Variants in ANGPT4 observed in about 807,000 individuals in gnomAD.
ANGPT4 encodes the protein angiopoietin 4.
Under a neutral mutation model 53.0 loss-of-function variants are expected in ANGPT4, and 50 were observed. That is an observed-to-expected ratio of 0.94 (90% confidence interval 0.75 to 1.20). The LOEUF (loss-of-function observed/expected upper bound fraction) is 1.20. Among genes scored for constraint, ANGPT4 ranks in the 50% most tolerant of loss-of-function variants. ANGPT4 has a pLI of 0.00. For synonymous variants in ANGPT4, 251 were observed against 259.7 expected, an observed-to-expected ratio of 0.97 and a Z score of 0.32; for missense variants, 648 against 637.1, an observed-to-expected ratio of 1.02 and a Z score of -0.18.
chr20:880,699 C>A (rs192686082), intron 5 of ANGPT4, among the ~76,000 whole-genome samples: 1 of 152,196 alleles, frequency 6.6e-6, no homozygotes, highest in African/African-American at 2.4e-5. Flanking sequence ...CCCTTCTTAT[C>A]GGATGACTTG....
In ANGPT4 at chr20:913,613, T is replaced by A. The variant is rs552353493; in HGVS notation, c.309+2293A>T. Reference sequence around the variant, plus strand: ...TCCTGCAAGCCATCAGTTCAAGCCATCAGCTCTCAGCCAATGTTTCCCAAG... The same window carrying A: ...TCCTGCAAGCCATCAGTTCAAGCCAACAGCTCTCAGCCAATGTTTCCCAAG... On this transcript the variant is annotated intron_variant, in intron 1 of 8. Transcript: ENST00000381922. Among the ~76,000 whole-genome samples, 9 of 152,326 alleles carry A rather than the reference T, an allele frequency of 5.9e-5. No individual in the cohort carries two copies. In the South Asian group the frequency reaches 1.9e-3, roughly 32 times the overall value.
At chr20:902,548 A>C (rs73892527) in intron 1 of ANGPT4, among the ~76,000 whole-genome samples, 7,071 of 152,224 alleles carry the variant, frequency 0.046, 518 homozygotes, top group African/African-American at 0.16. Context: ...CCTCAAAATT[A>C]TGGAAGGTAC....
At chr20:893,091 G>A (rs898789764) in intron 1 of ANGPT4, among the ~76,000 whole-genome samples, 3 of 152,142 alleles carry the variant, frequency 2.0e-5, no homozygotes, top group African/African-American at 7.2e-5. Context: ...CACTCTCTAG[G>A]TCAGGGGTCC....
chr20:890,722 C>A (rs748569193), intron 1 of ANGPT4, among the ~76,000 whole-genome samples: 17 of 152,212 alleles, frequency 1.1e-4, no homozygotes, highest in Non-Finnish European at 2.2e-4. Context: ...AAAGCCATGA[C>A]TGCAGGTTCC....
rs557443286 is a variant in ANGPT4 at position 914,361 on chromosome 20, G to T, written c.309+1545C>A. 7.2e-5 allele frequency among the ~76,000 whole-genome samples: 11 copies of T among 152,296 alleles called. No homozygotes were observed. The East Asian group carries it at 2.1e-3, about 29-fold the overall frequency. On this transcript the variant is annotated intron_variant, in intron 1 of 8. Coordinates refer to ENST00000381922, the MANE Select transcript of ANGPT4 (RefSeq NM_015985.4). This position sits in a 1 kb window ranked among gnomAD's most constrained non-coding sequence, Gnocchi z 5.0. Reference sequence around the variant, plus strand: ...CAAGGAGGGCCTCTGGGGAGATGGCGCTGGAGAGGATAGGAGGCTGGGGTA... The same window carrying T: ...CAAGGAGGGCCTCTGGGGAGATGGCTCTGGAGAGGATAGGAGGCTGGGGTA...
At chr20:890,583 T>C (rs1355978478) in intron 1 of ANGPT4, among the ~76,000 whole-genome samples, 2 of 152,182 alleles carry the variant, frequency 1.3e-5, no homozygotes, top group Non-Finnish European at 2.9e-5. Flanking sequence ...TCTGCCTCTC[T>C]GCTTCCATCT....
intron 1 of ANGPT4, among the ~76,000 whole-genome samples, chr20:901,042 C>T (rs781057270): frequency 1.3e-5 from 2 of 152,238 alleles, no homozygotes; most frequent in African/African-American, 4.8e-5. Context: ...TTACTCTCTC[C>T]CACTCTAGGT....
At position 871,718 on chromosome 20, in the gene ANGPT4, T is replaced by C. The variant is rs904402248; in HGVS notation, c.*1242A>G. 6.6e-6 allele frequency: 1 copy of C among 152,090 alleles called. No individual in the cohort carries two copies. The highest frequency in any genetic ancestry group is 1.5e-5 in the Non-Finnish European group (1 of 68,034). 9.4% of individuals were successfully genotyped at this position (152,090 alleles called of 1,614,324 possible). On this transcript the variant is annotated 3_prime_UTR_variant, in exon 9 of 9. Transcript: ENST00000381922. ...GCCTAACAGTCCCTGTAATTGAGCC[T>C]GGGGGAGTTGAGGTTACAGGGAGTC... is the stretch of plus-strand genomic sequence containing the variant.
intron 1 of ANGPT4, among the ~76,000 whole-genome samples, chr20:892,966 C>T (rs1262201453): frequency 6.6e-6 from 1 of 152,186 alleles, no homozygotes; most frequent in East Asian, 1.9e-4. Flanking sequence ...CGACTTCCCC[C>T]CAATCCTGGT....
chr20:874,911 G>T (rs1022399732), intron 7 of ANGPT4, among the ~76,000 whole-genome samples: 1 of 151,940 alleles, frequency 6.6e-6, no homozygotes, highest in East Asian at 1.9e-4. Context: ...ACAAACATAG[G>T]GTCTCACTAT....
intron 3 of ANGPT4, among the ~76,000 whole-genome samples, chr20:887,810 G>A (rs989092331): frequency 6.6e-6 from 1 of 151,884 alleles, no homozygotes; most frequent in South Asian, 2.1e-4. Context: ...AGCCAATAAA[G>A]TTTACCGGAT....
chr20:905,370 G>A (rs569178230), intron 1 of ANGPT4, among the ~76,000 whole-genome samples: 1 of 152,158 alleles, frequency 6.6e-6, no homozygotes, highest in Non-Finnish European at 1.5e-5. Context: ...AAATATTTGT[G>A]GAAAGAGCAG....
In ANGPT4 at chr20:878,234, G is replaced by T; in HGVS notation, c.1147C>A (p.Gln383Lys). 1 of 1,613,136 alleles carries T rather than the reference G, an allele frequency of 6.2e-7. No homozygotes were observed. Among genetic ancestry groups the T allele is most frequent in the Non-Finnish European group, 8.5e-7 (1 of 1,179,174 alleles). Residue 383 changes from glutamine to lysine, a missense_variant, in exon 7 of 9, where the codon CAA (glutamine) becomes AAA (lysine). By Grantham distance (53) the Gln-to-Lys change is moderately conservative. Transcript: ENST00000381922. ...TAGGCCTCGTGGCCTTCCCAGTCTT[G>T]CAGCTCCACACGCAGAGAGTAGGCT... is the stretch of plus-strand genomic sequence containing the variant. ...RAAYSLRVEL[Q>K]DWEGHEAYAQ...
intron 1 of ANGPT4, among the ~76,000 whole-genome samples, chr20:898,465 C>A (rs898592649): frequency 6.6e-6 from 1 of 152,234 alleles, no homozygotes; most frequent in South Asian, 2.1e-4. Context: ...CAGCCCCGTT[C>A]ATGGCCCACT....
intron 1 of ANGPT4, among the ~76,000 whole-genome samples, chr20:902,054 G>T (rs1982306451): frequency 6.6e-6 from 1 of 152,182 alleles, no homozygotes; most frequent in South Asian, 2.1e-4. Flanking sequence ...TTGTGTGTAA[G>T]AATGATCCAA....
intron 4 of ANGPT4, among the ~76,000 whole-genome samples, chr20:884,617 T>G (rs1365844392): frequency 1.3e-5 from 2 of 152,176 alleles, no homozygotes; most frequent in African/African-American, 4.8e-5. Context: ...TTGGCCCTCT[T>G]GGGCTTAGGG....
rs1980955428 is a variant in ANGPT4 at position 871,889 on chromosome 20, G to C, written c.*1071C>G. ...TTTAACTGAAAGGTTATTTCCAGTT[G>C]TTTTTAGAGGTTGTTTGAGGCTGTC... On this transcript the variant is annotated 3_prime_UTR_variant, in exon 9 of 9. Transcript: ENST00000381922. 1 of 152,192 alleles carries C rather than the reference G, an allele frequency of 6.6e-6. No homozygotes were observed. The highest frequency in any genetic ancestry group is 1.5e-5 in the Non-Finnish European group (1 of 68,068). The allele number at this position is 152,192 out of a possible 1,614,324, so 9.4% of individuals were successfully genotyped here.
At position 872,144 on chromosome 20, in the gene ANGPT4, A is replaced by G. The variant is rs574901763; in HGVS notation, c.*816T>C. The G allele has an allele frequency of 6.6e-6, 1 of 152,334 alleles. No individual in the cohort carries two copies. The highest frequency in any genetic ancestry group is 2.1e-4 in the South Asian group (1 of 4,816). The allele number at this position is 152,334 out of a possible 1,614,324, so 9.4% of individuals were successfully genotyped here. A position where few individuals can be genotyped will look rare whatever the true frequency, so the allele number is the denominator to read the frequency against. ...GCACTTGGCCATATTAAAGGCTCTGATCAGTCCTGCAGTGAAGAGTGCCTG... is the reference window on the plus strand; with the variant it reads ...GCACTTGGCCATATTAAAGGCTCTGGTCAGTCCTGCAGTGAAGAGTGCCTG... On this transcript the variant is annotated 3_prime_UTR_variant, in exon 9 of 9. Coordinates refer to ENST00000381922, the MANE Select transcript of ANGPT4 (RefSeq NM_015985.4).
chr20:916,292 A>G lies in ANGPT4; in HGVS notation c.-78T>C. On this transcript the variant is annotated 5_prime_UTR_variant, in exon 1 of 9. Transcript: ENST00000381922. The stretch of plus-strand genomic sequence containing the variant: ...CCTGGGATGTCCTGCTGCAGCCAAC[A>G]GTGGCCAGGCTTGCCTGCAGCTGCA... The G allele has an allele frequency of 1.3e-6, 2 of 1,495,720 alleles. No individual in the cohort carries two copies. The highest frequency in any genetic ancestry group is 1.8e-6 in the Non-Finnish European group (2 of 1,101,506). 92.7% of individuals were successfully genotyped at this position (1,495,720 alleles called of 1,614,324 possible). A position where few individuals can be genotyped will look rare whatever the true frequency, so the allele number is the denominator to read the frequency against.
Sources: gnomAD v4.1 joint callset for allele counts (sites outside exome capture counted in the v4.1 genomes callset) on GRCh38, gnomAD v4.1.1 for gene constraint, Gnocchi (gnomAD v3.1) non-coding constraint, MANE v1.5 for transcripts, NCBI Gene and HGNC (gene_info 2026-07-23, HGNC 2026-07-21) for gene names.